Variants in IL18 observed in about 807,000 individuals in gnomAD.
IL18 encodes interleukin-18.
A neutral mutation model predicts 14.2 loss-of-function variants in IL18; 8 were observed. The ratio of observed to expected loss-of-function variants is 0.56; its 90% CI spans 0.33 to 1.01. IL18 has a LOEUF of 1.01. Among genes scored for constraint, IL18 ranks in the 50% least tolerant of loss-of-function variants. The pLI is 0.03. For synonymous variants in IL18, 67 were observed against 71.0 expected (o/e 0.94, Z 0.28); for missense variants, 166 against 231.1 (o/e 0.72, Z 1.83).
Position 112,149,938 on chromosome 11 carries a change from C to G in IL18, c.226+134G>C, listed in dbSNP as rs1866409960. 23 of 845,296 alleles carry G rather than the reference C, an allele frequency of 2.7e-5. No individual in the cohort carries two copies. The South Asian group carries it at 4.2e-4, about 15-fold the overall frequency. 52.4% of individuals were successfully genotyped at this position (845,296 alleles called of 1,614,324 possible). ...AAAACGTGGATGCCTTATAAAGTTT[C>G]CTGTAAGTGAAATTATTGTCACTCC... is the stretch of plus-strand genomic sequence containing the variant. On this transcript the variant is annotated intron_variant, in intron 4 of 5. Transcript: ENST00000280357.
intron 4 of IL18, among the ~76,000 whole-genome samples, chr11:112,149,207 G>A (rs1445804246): frequency 6.6e-6 from 1 of 151,924 alleles, no homozygotes; most frequent in Non-Finnish European, 1.5e-5. Context: ...CATGAGAATC[G>A]CTTGAACGTG....
At chr11:112,156,436 AT>A (rs1006175714) in intron 1 of IL18, among the ~76,000 whole-genome samples, 102 of 146,096 alleles carry the variant, frequency 7.0e-4, no homozygotes, top group Middle Eastern at 3.5e-3. Context: ...TTTAGATAAC[AT>A]TTTTTTTTTT....
intron 1 of IL18, among the ~76,000 whole-genome samples, chr11:112,163,687 G>C (rs1866674646): frequency 6.6e-6 from 1 of 152,052 alleles, no homozygotes; most frequent in African/African-American, 2.4e-5. Context: ...GGGAACATGA[G>C]AGCAAAAAGT....
chr11:112,156,352 C>T (rs942997187), intron 1 of IL18, among the ~76,000 whole-genome samples: 13 of 152,056 alleles, frequency 8.5e-5, no homozygotes, highest in Non-Finnish European at 1.3e-4. Context: ...TGTACCCAGG[C>T]CTTATTTGAT....
chr11:112,147,384 G>T (rs1021948112), intron 5 of IL18, among the ~76,000 whole-genome samples: 4 of 152,172 alleles, frequency 2.6e-5, no homozygotes, highest in African/African-American at 9.6e-5. Flanking sequence ...TGTAGGTTCG[G>T]ACTTATCCCA....
chr11:112,145,513 G>C (rs1866320678), intron 5 of IL18, among the ~76,000 whole-genome samples: 1 of 152,218 alleles, frequency 6.6e-6, no homozygotes, highest in African/African-American at 2.4e-5. Context: ...GCTGAGGCGG[G>C]CGGATCACAA....
At chr11:112,160,176 G>A (rs962315282) in intron 1 of IL18, among the ~76,000 whole-genome samples, 7 of 151,950 alleles carry the variant, frequency 4.6e-5, no homozygotes, top group African/African-American at 1.7e-4. Context: ...CAACAGCACT[G>A]TTTTAAATCA....
intron 1 of IL18, among the ~76,000 whole-genome samples, chr11:112,157,887 C>T (rs1045010849): frequency 1.1e-4 from 17 of 152,140 alleles, no homozygotes; most frequent in African/African-American, 3.6e-4. Flanking sequence ...TACAGAGTTT[C>T]GCTCTTGTTG....
intron 1 of IL18, among the ~76,000 whole-genome samples, chr11:112,162,907 T>C (rs529428589): frequency 6.6e-6 from 1 of 152,206 alleles, no homozygotes; most frequent in Non-Finnish European, 1.5e-5. Flanking sequence ...GTCCTCAGCA[T>C]CCTGAGTAGT....
At chr11:112,153,642 T>C in intron 2 of IL18, 39 bp from the exon 3 acceptor site, 1 of 1,478,990 alleles carries the variant, frequency 6.8e-7, no homozygotes. Flanking sequence ...ATATGTAAAA[T>C]TTTGTATTTC....
At chr11:112,149,022 T>C (rs545382450) in intron 4 of IL18, among the ~76,000 whole-genome samples, 28 of 152,156 alleles carry the variant, frequency 1.8e-4, no homozygotes, top group African/African-American at 5.8e-4. Context: ...GTAACACATA[T>C]TAAACTGTGG....
chr11:112,159,805 T>C (rs1345542729), intron 1 of IL18, among the ~76,000 whole-genome samples: 1 of 152,072 alleles, frequency 6.6e-6, no homozygotes, highest in Non-Finnish European at 1.5e-5. Context: ...TTGGGTAAAG[T>C]GGAGGCAGCA....
In IL18 at chr11:112,143,443, G is replaced by C; in HGVS notation, c.*153C>G. ...TTGAGGGCATGCGTCACTACACTCAGCTAATTTTTTGTATTTTTAGTAGAG... is the reference window on the plus strand; with the variant it reads ...TTGAGGGCATGCGTCACTACACTCACCTAATTTTTTGTATTTTTAGTAGAG... On this transcript the variant is annotated 3_prime_UTR_variant, in exon 6 of 6. Transcript: ENST00000280357. The C allele has an allele frequency of 1.8e-6, 1 of 564,394 alleles. No homozygotes were observed. Among genetic ancestry groups the C allele is most frequent in the Non-Finnish European group, 3.2e-6 (1 of 317,162 alleles). 35.0% of individuals were successfully genotyped at this position (564,394 alleles called of 1,614,324 possible).
chr11:112,156,331 G>A (rs1866531280), intron 1 of IL18, among the ~76,000 whole-genome samples: 1 of 152,068 alleles, frequency 6.6e-6, no homozygotes, highest in Non-Finnish European at 1.5e-5. Flanking sequence ...GAGATTACAG[G>A]CATGAGTCAC....
At chr11:112,160,935 C>T (rs1457953637) in intron 1 of IL18, among the ~76,000 whole-genome samples, 1 of 152,150 alleles carries the variant, frequency 6.6e-6, no homozygotes, top group Non-Finnish European at 1.5e-5. Context: ...AGTGTGTTCT[C>T]ATCCCCATTC....
chr11:112,147,789 G>A (rs537486804), intron 5 of IL18, among the ~76,000 whole-genome samples: 4 of 152,218 alleles, frequency 2.6e-5, no homozygotes, highest in East Asian at 3.9e-4. Flanking sequence ...GCATGAAAGC[G>A]GTTATTTATT....
At chr11:112,162,341 C>CTT (rs140882241) in intron 1 of IL18, among the ~76,000 whole-genome samples, 1 of 131,196 alleles carries the variant, frequency 7.6e-6, no homozygotes, top group East Asian at 2.2e-4. Context: ...CTTTTCTTTT[C>CTT]TTTTTTTTTT....
intron 1 of IL18, among the ~76,000 whole-genome samples, chr11:112,163,037 T>C (rs1176104647): frequency 6.6e-6 from 1 of 152,192 alleles, no homozygotes; most frequent in Non-Finnish European, 1.5e-5. Flanking sequence ...CATGAGCTAG[T>C]GCACCTGGCC....
chr11:112,158,990 A>C (rs182088184), intron 1 of IL18, among the ~76,000 whole-genome samples: 105 of 151,374 alleles, frequency 6.9e-4, no homozygotes, highest in African/African-American at 2.3e-3. Context: ...AAAAATACTG[A>C]CTTAAATAGG....
Sources: gnomAD v4.1 joint callset for allele counts (sites outside exome capture counted in the v4.1 genomes callset) on GRCh38, gnomAD v4.1.1 for gene constraint, MANE v1.5 for transcripts, NCBI Gene and HGNC (gene_info 2026-07-23, HGNC 2026-07-21) for gene names.